The following RSPO3 variants were observed in gnomAD, a reference collection of about 807,000 sequenced individuals.
RSPO3 encodes the protein R-spondin 3.
A neutral mutation model predicts 36.5 loss-of-function variants in RSPO3; 17 were observed. The observed-to-expected ratio is 0.47, with a 90% CI of 0.32 to 0.70. The LOEUF is 0.70. Among genes scored for constraint, RSPO3 ranks in the 30% least tolerant of loss-of-function variants. The pLI is 0.04. For synonymous variants in RSPO3, 108 were observed against 107.0 expected (o/e 1.01, Z -0.06); for missense variants, 294 against 322.5 (o/e 0.91, Z 0.68).
intron 4 of RSPO3, among the ~76,000 whole-genome samples, chr6:127,159,644 C>CTTTT (rs869033594): frequency 3.1e-4 from 38 of 123,282 alleles, no homozygotes; most frequent in Middle Eastern, 4.8e-3. Flanking sequence ...ATACATTCTC[C>CTTTT]TTTTTTTTTT....
rs534089067 is a variant in RSPO3 at position 127,123,479 on chromosome 6, A to G, written c.97+4190A>G. Among the ~76,000 whole-genome samples, 66 of 152,272 alleles carry G rather than the reference A, an allele frequency of 4.3e-4. 1 individual carries two copies. In the Middle Eastern group the frequency reaches 0.01, roughly 24 times the overall value. ...AGACAAATGCAAATTCATATGCGGT[A>G]GTGGCAACATCTAAATGCAAGGAAA... is the stretch of plus-strand genomic sequence containing the variant. On this transcript the variant is annotated intron_variant, in intron 1 of 4. Coordinates refer to ENST00000356698, the MANE Select transcript of RSPO3 (RefSeq NM_032784.5).
At chr6:127,166,471 C>T (rs577329188) in intron 4 of RSPO3, among the ~76,000 whole-genome samples, 2 of 152,114 alleles carry the variant, frequency 1.3e-5, no homozygotes, top group African/African-American at 4.8e-5. Context: ...TTTTAACTAT[C>T]GCTATGACTT....
rs373805479 is a variant in RSPO3, at chr6:127,125,311, A to C, written c.97+6022A>C. On this transcript the variant is annotated intron_variant, in intron 1 of 4. Coordinates refer to ENST00000356698, the MANE Select transcript of RSPO3 (RefSeq NM_032784.5). ...GAATTTAATTAATTGCAAGTATCAT[A>C]AGTTTGTGGTAGAATCTGAGACCTG... Among the ~76,000 whole-genome samples, 27 of 152,328 alleles carry C rather than the reference A, an allele frequency of 1.8e-4. No homozygotes were observed. The East Asian group carries it at 2.7e-3, about 15-fold the overall frequency.
chr6:127,118,748 C>G lies in RSPO3; in HGVS notation c.-445C>G, dbSNP rs138650988. 0.11 allele frequency: 16,458 copies of G among 152,706 alleles called. 1,226 individuals carry two copies. Among genetic ancestry groups the G allele is most frequent in the Non-Finnish European group, 0.17 (11,430 of 68,280 alleles). 9.5% of individuals were successfully genotyped at this position (152,706 alleles called of 1,614,324 possible). A position where few individuals can be genotyped will look rare whatever the true frequency, so the allele number is the denominator to read the frequency against. On this transcript the variant is annotated 5_prime_UTR_variant, in exon 1 of 5. Transcript: ENST00000356698. ...CGCCCCTTGGCCATGGCCGCTGTGC[C>G]GACGGCGCCCGCTCCCCTGCGCTCC...
At chr6:127,156,138 C>T (rs748030058) in intron 4 of RSPO3, among the ~76,000 whole-genome samples, 2 of 152,092 alleles carry the variant, frequency 1.3e-5, no homozygotes, top group East Asian at 1.9e-4. Flanking sequence ...AAATCATTAA[C>T]GACATTTGTC....
At chr6:127,193,216 G>A (rs1319414976) in intron 4 of RSPO3, among the ~76,000 whole-genome samples, 1 of 152,090 alleles carries the variant, frequency 6.6e-6, no homozygotes, top group African/African-American at 2.4e-5. Flanking sequence ...TTATAATACC[G>A]AGTTTCAATC....
At chr6:127,168,802 C>T (rs1345913369) in intron 4 of RSPO3, among the ~76,000 whole-genome samples, 2 of 152,056 alleles carry the variant, frequency 1.3e-5, no homozygotes, top group African/African-American at 2.4e-5. Flanking sequence ...GATCCAGTTT[C>T]AGCTTTCTAC....
rs6926911 is a variant in RSPO3 at position 127,178,741 on chromosome 6, C to A, written c.635-17082C>A. ...AAGGACCATCTGTGTCTTCTCACAT[C>A]TAACTTTTCTTGATTATTTCTAGGA... On this transcript the variant is annotated intron_variant, in intron 4 of 4. Coordinates refer to ENST00000356698, the MANE Select transcript of RSPO3 (RefSeq NM_032784.5). Among the ~76,000 whole-genome samples, 821 of 151,878 alleles carry A rather than the reference C, an allele frequency of 5.4e-3. 6 individuals carry two copies. Among genetic ancestry groups the A allele is most frequent in the African/African-American group, 0.018 (750 of 41,502 alleles).
At chr6:127,163,706 C>CAT (rs4053254) in intron 4 of RSPO3, among the ~76,000 whole-genome samples, 81,100 of 151,642 alleles carry the variant, frequency 0.53, 21,675 homozygotes, top group African/African-American at 0.57. Context: ...AAATTATTTA[C>CAT]GACATACTTA....
intron 1 of RSPO3, among the ~76,000 whole-genome samples, chr6:127,134,370 G>C (rs1315049757): frequency 6.6e-6 from 1 of 152,158 alleles, no homozygotes; most frequent in African/African-American, 2.4e-5. Context: ...AATTTCTATA[G>C]CTGAACTTTC....
At chr6:127,133,200 C>T (rs1174572470) in intron 1 of RSPO3, among the ~76,000 whole-genome samples, 1 of 152,048 alleles carries the variant, frequency 6.6e-6, no homozygotes, top group Admixed American at 6.6e-5. Flanking sequence ...AACGTAATGG[C>T]AGTCATTCAC....
chr6:127,179,979 CA>C (rs1230025360), intron 4 of RSPO3, among the ~76,000 whole-genome samples: 1 of 151,836 alleles, frequency 6.6e-6, no homozygotes, highest in African/African-American at 2.4e-5. Context: ...ATCTCATGGT[CA>C]GCTGATTAGC....
chr6:127,155,281 C>T lies in RSPO3; in HGVS notation c.477C>T (p.Cys159=), dbSNP rs1336818891. 12 of 1,613,662 alleles carry T rather than the reference C, an allele frequency of 7.4e-6. No homozygotes were observed. Among genetic ancestry groups the T allele is most frequent in the African/African-American group, 1.3e-5 (1 of 74,816 alleles). The part of the protein sequence containing the change: ...EVSEWNPWSP[C]TKKGKTCGFK... ...GTGAATGGAATCCTTGGAGTCCATG[C>T]ACGAAGAAGGGAAAAACATGTGGCT... The change falls in exon 4 of 5, where the codon TGC becomes TGT. Residue 159 remains cysteine (C), a synonymous_variant. Transcript: ENST00000356698.
intron 4 of RSPO3, among the ~76,000 whole-genome samples, chr6:127,181,331 C>T (rs967767088): frequency 4.6e-5 from 7 of 151,780 alleles, no homozygotes; most frequent in Admixed American, 6.6e-5. Context: ...TACAGTACCC[C>T]ATATATAAAT....
chr6:127,135,629 C>T (rs983807177), intron 1 of RSPO3, among the ~76,000 whole-genome samples: 1 of 151,674 alleles, frequency 6.6e-6, no homozygotes, highest in Non-Finnish European at 1.5e-5. Flanking sequence ...TTTGCTGCAA[C>T]AGAAAAGCAC....
At chr6:127,150,914 C>G (rs1774479390) in intron 3 of RSPO3, among the ~76,000 whole-genome samples, 1 of 151,528 alleles carries the variant, frequency 6.6e-6, no homozygotes, top group Non-Finnish European at 1.5e-5. Flanking sequence ...AGCCAAGACA[C>G]ACATATGTAT....
intron 4 of RSPO3, among the ~76,000 whole-genome samples, chr6:127,177,210 A>T (rs1348978697): frequency 6.6e-6 from 1 of 151,912 alleles, no homozygotes; most frequent in African/African-American, 2.4e-5. Flanking sequence ...AAACTGTAAC[A>T]TGTTACCCAA....
At chr6:127,143,623 G>A (rs896849258) in intron 1 of RSPO3, among the ~76,000 whole-genome samples, 1 of 152,056 alleles carries the variant, frequency 6.6e-6, no homozygotes, top group Non-Finnish European at 1.5e-5. Context: ...TTAGTCTAAA[G>A]TCTACTAAAA....
At chr6:127,155,189 T>C (rs1365971385) in intron 3 of RSPO3, 52 bp from the exon 4 acceptor site, 14 of 1,552,238 alleles carry the variant, frequency 9.0e-6, no homozygotes, top group South Asian at 5.6e-5. Context: ...AACTCAACAA[T>C]AGTGAAAGTG....
Sources: allele counts gnomAD v4.1 joint callset (sites outside exome capture counted in the v4.1 genomes callset), GRCh38; gene constraint gnomAD v4.1.1; transcripts MANE v1.5; gene names NCBI Gene and HGNC (gene_info 2026-07-23, HGNC 2026-07-21).